The following HYDIN variants were observed in gnomAD, a reference collection of about 807,000 sequenced individuals.
HYDIN encodes HYDIN axonemal central pair apparatus protein, also known as axonemal central pair apparatus protein HYDIN.
In HYDIN, 132 loss-of-function variants were observed where a neutral mutation model predicts 403.9. That is an observed-to-expected ratio of 0.33 (90% CI 0.28 to 0.38). HYDIN has a LOEUF of 0.38. HYDIN is among the 10% of genes least tolerant of loss of function. The pLI is 1.00. For synonymous variants in HYDIN, 1,202 were observed against 1,891.7 expected (o/e 0.64, Z 9.46); for missense variants, 2,827 against 5,009.5 (o/e 0.56, Z 13.15).
chr16:70,858,818 A>G (rs2039197452), intron 71 of HYDIN, among the ~76,000 whole-genome samples: 1 of 152,120 alleles, frequency 6.6e-6, no homozygotes, highest in Non-Finnish European at 1.5e-5. Flanking sequence ...TGATCCAGGT[A>G]GGATTGTCTC....
intron 4 of HYDIN, among the ~76,000 whole-genome samples, chr16:71,178,184 C>A (rs2086749026): frequency 6.6e-6 from 1 of 152,024 alleles, no homozygotes; most frequent in Non-Finnish European, 1.5e-5. Context: ...CTTTGGGAGA[C>A]CGAAGTGGGT....
intron 28 of HYDIN, among the ~76,000 whole-genome samples, chr16:70,982,257 T>TCCTA (rs963069439): frequency 2.6e-5 from 4 of 151,830 alleles, no homozygotes; most frequent in African/African-American, 9.7e-5. Context: ...ATTAACAATT[T>TCCTA]CCTAGAAAAA....
At position 70,970,478 on chromosome 16, in the gene HYDIN, T is replaced by C. The variant is rs769909025; in HGVS notation, c.5619+42A>G. ...AAGGAAGAATTCAAGGGGAAAAAGA[T>C]GGGAACGTGTAGAAAAACAGTTTGG... On this transcript the variant is annotated intron_variant, in intron 36 of 85. Coordinates refer to ENST00000393567, the MANE Select transcript of HYDIN (RefSeq NM_001270974.2). 11 of 1,605,074 alleles carry C rather than the reference T, an allele frequency of 6.9e-6. No individual in the cohort carries two copies. The African/African-American group carries it at 1.3e-4, about 20-fold the overall frequency.
At chr16:71,114,481 G>C (rs1191498904) in intron 10 of HYDIN, among the ~76,000 whole-genome samples, 1 of 151,886 alleles carries the variant, frequency 6.6e-6, no homozygotes, top group Non-Finnish European at 1.5e-5. Context: ...TCCCTACCTT[G>C]GTCCTGAAGT....
chr16:70,854,271 A>C (rs1374529465), intron 73 of HYDIN, among the ~76,000 whole-genome samples: 1 of 149,386 alleles, frequency 6.7e-6, no homozygotes, highest in Admixed American at 6.7e-5. Context: ...GTCTCACTCC[A>C]TTGTCCAAGC....
intron 3 of HYDIN, 104 bp downstream of exon 3, chr16:71,184,761 A>T: frequency 1.0e-6 from 1 of 965,052 alleles, no homozygotes; most frequent in Non-Finnish European, 1.5e-6. Flanking sequence ...AAACAAACCC[A>T]ATAAAGGATT....
At chr16:70,845,930 C>G (rs1323264325) in intron 75 of HYDIN, among the ~76,000 whole-genome samples, 1 of 150,232 alleles carries the variant, frequency 6.7e-6, no homozygotes, top group Non-Finnish European at 1.5e-5. Flanking sequence ...ATTCTTCTTT[C>G]TTTTTTTCTT....
At chr16:71,015,210 T>C (rs1597548742) in intron 23 of HYDIN, among the ~76,000 whole-genome samples, 1 of 151,772 alleles carries the variant, frequency 6.6e-6, no homozygotes, top group Non-Finnish European at 1.5e-5. Flanking sequence ...GACTCTCTGA[T>C]TGAGTAAATG....
intron 7 of HYDIN, among the ~76,000 whole-genome samples, chr16:71,145,288 C>T (rs2085324501): frequency 6.6e-6 from 1 of 151,026 alleles, no homozygotes; most frequent in Non-Finnish European, 1.5e-5. Flanking sequence ...TGGAGTCTAG[C>T]TCTGTCGCCA....
intron 49 of HYDIN, among the ~76,000 whole-genome samples, 186 bp downstream of exon 49, chr16:70,908,066 C>A (rs547833769): frequency 2.0e-5 from 3 of 152,324 alleles, no homozygotes; most frequent in African/African-American, 7.2e-5. Context: ...GTCTAGGAAT[C>A]CTGGTAGTAT....
chr16:70,884,000 G>A lies in HYDIN; in HGVS notation c.9899C>T (p.Ala3300Val), dbSNP rs766771324. Residue 3300 changes from alanine to valine, a missense_variant, in exon 59 of 86, where the codon GCC becomes GTC. By Grantham distance (64) the Ala-to-Val change is moderately conservative. Transcript: ENST00000393567. The part of the protein sequence containing the change: ...DAMGKCEEFI[A>V]IDISGRDPAV... Reference sequence around the variant, plus strand: ...AGGGTCTCGGCCGGAGATATCGATGGCTATAAACTCCTCACACTTTCCCAT... The same window carrying A: ...AGGGTCTCGGCCGGAGATATCGATGACTATAAACTCCTCACACTTTCCCAT... 1 of 1,614,088 alleles carries A rather than the reference G, an allele frequency of 6.2e-7. No individual in the cohort carries two copies. Among genetic ancestry groups the A allele is most frequent in the Admixed American group, 1.7e-5 (1 of 60,004 alleles).
At chr16:71,066,425 T>C (rs1455518204) in intron 15 of HYDIN, 37 of 157,204 alleles carry the variant, frequency 2.4e-4, no homozygotes, top group Non-Finnish European at 3.4e-4. Context: ...ATCTGCCCCA[T>C]CTTTAAAGTG....
chr16:70,859,161 C>T (rs568232706), intron 71 of HYDIN, among the ~76,000 whole-genome samples: 1 of 151,752 alleles, frequency 6.6e-6, no homozygotes, highest in African/African-American at 2.4e-5. Flanking sequence ...ATTAGCTGGG[C>T]GTGGTGGCGG....
chr16:71,059,482 T>C (rs2082011029), intron 18 of HYDIN, among the ~76,000 whole-genome samples: 1 of 152,116 alleles, frequency 6.6e-6, no homozygotes, highest in Non-Finnish European at 1.5e-5. Context: ...CTCTATTCTG[T>C]TGCATTGGTC....
At chr16:71,011,741 T>G (rs2080091808) in intron 23 of HYDIN, among the ~76,000 whole-genome samples, 1 of 151,816 alleles carries the variant, frequency 6.6e-6, no homozygotes, top group Non-Finnish European at 1.5e-5. Flanking sequence ...AAAATCTACT[T>G]TTGAAGCAAC....
intron 8 of HYDIN, among the ~76,000 whole-genome samples, chr16:71,135,780 A>C (rs1212652929): frequency 6.7e-6 from 1 of 149,404 alleles, no homozygotes; most frequent in Non-Finnish European, 1.5e-5. Context: ...GATTTTAGGC[A>C]TAAGTGGTTT....
intron 71 of HYDIN, among the ~76,000 whole-genome samples, chr16:70,859,257 C>T (rs761858283): frequency 1.0e-3 from 159 of 152,066 alleles, no homozygotes; most frequent in Non-Finnish European, 1.6e-3. Context: ...GCCGAGATCG[C>T]GCCACTGCAC....
chr16:70,912,963 T>A (rs2143791514), intron 47 of HYDIN, among the ~76,000 whole-genome samples: 1 of 151,088 alleles, frequency 6.6e-6, no homozygotes, highest in Non-Finnish European at 1.5e-5. Context: ...ATTTCTGTGG[T>A]GTCAGTTGTA....
At chr16:70,898,591 A>C (rs2143743424) in intron 53 of HYDIN, among the ~76,000 whole-genome samples, 1 of 151,854 alleles carries the variant, frequency 6.6e-6, no homozygotes, top group South Asian at 2.1e-4. Flanking sequence ...CATGTAATTG[A>C]CAGGAAGAAT....
Sources: gnomAD v4.1 joint callset for allele counts (sites outside exome capture counted in the v4.1 genomes callset) on GRCh38, gnomAD v4.1.1 for gene constraint, MANE v1.5 for transcripts, NCBI Gene and HGNC (gene_info 2026-07-23, HGNC 2026-07-21) for gene names.